SMIM23: variants seen among roughly 807,000 people sequenced by gnomAD.
The protein encoded by SMIM23 is CTB-78H18.1.
A neutral mutation model predicts 12.8 loss-of-function variants in SMIM23; 10 were observed. That is an observed-to-expected ratio of 0.78 (90% CI 0.48 to 1.32). The LOEUF (loss-of-function observed/expected upper bound fraction) is 1.32, where lower values mean the gene tolerates loss of function less well. Among genes scored for constraint, SMIM23 ranks in the 40% most tolerant of loss-of-function variants. The probability of loss-of-function intolerance (pLI) is 0.00; values close to 1 mark genes in which losing one functional copy is unlikely to be tolerated. For synonymous variants in SMIM23, 78 were observed against 80.1 expected (o/e 0.97, Z 0.14); for missense variants, 184 against 198.2 (o/e 0.93, Z 0.43).
At chr5:171,778,382 C>T (rs1195352738), upstream of SMIM23, among the ~76,000 whole-genome samples, 1 of 149,860 alleles carries the variant, frequency 6.7e-6, no homozygotes, top group Non-Finnish European at 1.5e-5. Context: ...ATGAGATTTT[C>T]CTGGATTATC....
upstream of SMIM23, chr5:171,782,798 A>C (rs1309381844): frequency 6.6e-6 from 1 of 152,214 alleles, no homozygotes; most frequent in Admixed American, 6.5e-5. Context: ...CGGGCTGCGT[A>C]AGGGGCATCA....
intron 3 of SMIM23, 61 bp from the exon 4 acceptor site, chr5:171,790,734 G>A (rs1386916671): frequency 6.6e-7 from 1 of 1,519,452 alleles, no homozygotes; most frequent in East Asian, 2.4e-5. Context: ...AACCAGTGGG[G>A]ATGGGGAGGA....
chr5:171,780,635 C>G (rs188506781), upstream of SMIM23, among the ~76,000 whole-genome samples: 41 of 152,108 alleles, frequency 2.7e-4, no homozygotes, highest in Admixed American at 2.4e-3. Context: ...ATGAGCAGTC[C>G]TTACGTACCT....
chr5:171,787,004 C>CTTTTTTTCT (rs1755830925), intron 1 of SMIM23, among the ~76,000 whole-genome samples: 1 of 71,256 alleles, frequency 1.4e-5, no homozygotes, highest in Non-Finnish European at 2.8e-5. Flanking sequence ...CCATTGTTTC[C>CTTTTTTTCT]TTTTTTTTTT....
intron 2 of SMIM23, 70 bp downstream of exon 2, chr5:171,790,351 G>A (rs1410195589): frequency 1.3e-6 from 2 of 1,523,620 alleles, no homozygotes; most frequent in East Asian, 2.4e-5. Flanking sequence ...TTCCAAAGAT[G>A]GTTGTATGTT....
chr5:171,788,173 A>AACACAC (rs10566750), intron 1 of SMIM23, among the ~76,000 whole-genome samples: 3 of 145,784 alleles, frequency 2.1e-5, no homozygotes, highest in East Asian at 2.0e-4. Flanking sequence ...CACACACACA[A>AACACAC]ACACACACAC....
chr5:171,787,082 C>A (rs1034827981), intron 1 of SMIM23, among the ~76,000 whole-genome samples: 1 of 136,050 alleles, frequency 7.4e-6, no homozygotes. Flanking sequence ...TACAACAGTG[C>A]GATCTTGGCT....
the SMIM23 span, chr5:171,773,971 T>C: frequency 2.5e-6 from 1 of 392,424 alleles, no homozygotes; most frequent in South Asian, 1.9e-5. Flanking sequence ...GAGTAGAATT[T>C]ACATACGCCA....
chr5:171,790,168 A>G, intron 1 of SMIM23, 62 bp from the exon 2 acceptor site: 1 of 1,484,642 alleles, frequency 6.7e-7, no homozygotes, highest in Non-Finnish European at 9.1e-7. Flanking sequence ...TGATGGAAGC[A>G]GGGGGACCTG....
chr5:171,777,284 G>C, the SMIM23 span, among the ~76,000 whole-genome samples: 15 of 152,324 alleles, frequency 9.8e-5, no homozygotes, highest in South Asian at 2.1e-4. Flanking sequence ...CCTGGATGTC[G>C]AAGTACAGTA....
intron 3 of SMIM23, 91 bp downstream of exon 3, chr5:171,790,640 T>A: frequency 7.2e-7 from 1 of 1,396,616 alleles, no homozygotes; most frequent in Non-Finnish European, 9.8e-7. Context: ...GAAAGATAAG[T>A]AGTCGCTTGT....
intron 1 of SMIM23, among the ~76,000 whole-genome samples, chr5:171,787,052 G>A (rs942635813): frequency 5.3e-5 from 6 of 114,196 alleles, no homozygotes; most frequent in Admixed American, 2.7e-4. Context: ...ACGGAGCCTC[G>A]CTCTGTCACC....
rs1207665747 is a variant in SMIM23, at chr5:171,785,932, C to G, written c.61C>G (p.Leu21Val). Residue 21 changes from leucine (L) to valine (V), a missense_variant, in exon 1 of 4, where the codon CTG (leucine) becomes GTG (valine). Transcript: ENST00000523047. ...QVAAEQVAAQ[L>V]LERRRGSHCD... ...GGCAGCAGAGCAGGTGGCAGCCCAG[C>G]TGCTTGAACGGAGAAGGGGCAGCCA... The G allele has an allele frequency of 4.8e-5, 73 of 1,536,110 alleles. No individual in the cohort carries two copies. The highest frequency in any genetic ancestry group is 6.4e-5 in the Non-Finnish European group (73 of 1,146,926).
chr5:171,779,021 T>C (rs1026730741), upstream of SMIM23, among the ~76,000 whole-genome samples: 5 of 152,198 alleles, frequency 3.3e-5, no homozygotes, highest in Non-Finnish European at 7.3e-5. Flanking sequence ...CCATAGCAGG[T>C]AGCAAGCTCC....
chr5:171,778,473 A>T (rs1755675827), upstream of SMIM23, among the ~76,000 whole-genome samples: 3 of 148,832 alleles, frequency 2.0e-5, no homozygotes, highest in South Asian at 4.3e-4. Context: ...ACACACACAC[A>T]CACACACACA....
At chr5:171,779,713 T>C (rs922229166), upstream of SMIM23, among the ~76,000 whole-genome samples, 1 of 152,072 alleles carries the variant, frequency 6.6e-6, no homozygotes, top group Non-Finnish European at 1.5e-5. Flanking sequence ...GAGAATTAAA[T>C]TGAATTGGCA....
chr5:171,790,392 C>G, intron 2 of SMIM23, 90 bp from the exon 3 acceptor site: 2 of 1,498,884 alleles, frequency 1.3e-6, no homozygotes, highest in Middle Eastern at 1.7e-4. Context: ...CCTTCTCCCA[C>G]TGACCCTTCA....
Position 171,785,952 on chromosome 5 carries a change from C to A in SMIM23, c.81C>A (p.Gly27=). 1 of 1,536,326 alleles carries A rather than the reference C, an allele frequency of 6.5e-7. No individual in the cohort carries two copies. Among genetic ancestry groups the A allele is most frequent in the Middle Eastern group, 1.7e-4 (1 of 5,994 alleles). Reference sequence around the variant, plus strand: ...CCCAGCTGCTTGAACGGAGAAGGGGCAGCCACTGTGATGACGAGAAGCAGG... The same window carrying A: ...CCCAGCTGCTTGAACGGAGAAGGGGAAGCCACTGTGATGACGAGAAGCAGG... The part of the protein sequence containing the change: ...VAAQLLERRR[G]SHCDDEKQTL... The change falls in exon 1 of 4, where the codon GGC becomes GGA. Residue 27 remains glycine, a synonymous_variant. Coordinates refer to ENST00000523047, the MANE Select transcript of SMIM23 (RefSeq NM_001289970.2).
chr5:171,784,109 T>TA (rs992611504), upstream of SMIM23, among the ~76,000 whole-genome samples: 22 of 151,562 alleles, frequency 1.5e-4, no homozygotes, highest in African/African-American at 5.1e-4. Flanking sequence ...TAATAAAATT[T>TA]AAAAAAAAGA....
Sources: allele counts gnomAD v4.1 joint callset (sites outside exome capture counted in the v4.1 genomes callset), GRCh38; gene constraint gnomAD v4.1.1; transcripts MANE v1.5; gene names NCBI Gene and HGNC (gene_info 2026-07-23, HGNC 2026-07-21).